The following VSX1 variants were observed in gnomAD, a reference collection of about 807,000 sequenced individuals.
The protein encoded by VSX1 is visual system homeobox 1.
A neutral mutation model predicts 23.6 loss-of-function variants in VSX1; 23 were observed. The ratio of observed to expected loss-of-function variants is 0.97; its 90% CI spans 0.70 to 1.38. The LOEUF is 1.38. VSX1 is among the 40% of genes most tolerant of loss of function. The probability of loss-of-function intolerance (pLI) is 0.00; values close to 1 mark genes in which losing one functional copy is unlikely to be tolerated. For synonymous variants in VSX1, 247 were observed against 215.1 expected (o/e 1.15, Z -1.30); for missense variants, 517 against 495.4 (o/e 1.04, Z -0.41).
At position 25,079,048 on chromosome 20, in the gene VSX1, C is replaced by A. The variant is rs540899562; in HGVS notation, c.504-96G>T. ...CCACCGTGCCTGCTTCCTCTGCTGT[C>A]CAGACCCTAGAAGCCACTTCATGAT... On this transcript the variant is annotated intron_variant, in intron 2 of 4. Coordinates refer to ENST00000376709, the MANE Select transcript of VSX1 (RefSeq NM_014588.6). 2.8e-5 allele frequency: 41 copies of A among 1,472,592 alleles called. No individual in the cohort carries two copies. The African/African-American group carries it at 4.2e-4, about 15-fold the overall frequency. 91.2% of individuals were successfully genotyped at this position (1,472,592 alleles called of 1,614,324 possible). A position where few individuals can be genotyped will look rare whatever the true frequency, so the allele number is the denominator to read the frequency against.
intron 3 of VSX1, 67 bp downstream of exon 3, chr20:25,078,762 T>A (rs2089567465): frequency 6.2e-7 from 1 of 1,614,036 alleles, no homozygotes; most frequent in Non-Finnish European, 8.5e-7. Flanking sequence ...GCTGATTGGC[T>A]CACTGAATGT....
intron 1 of VSX1, 87 bp from the exon 2 acceptor site, chr20:25,079,601 A>G: frequency 7.1e-7 from 1 of 1,416,362 alleles, no homozygotes; most frequent in Non-Finnish European, 9.7e-7. Context: ...TGAAGTTATG[A>G]ACCTCTTGGG....
At position 25,075,638 on chromosome 20, in the gene VSX1, A is replaced by G. The variant is rs368909034; in HGVS notation, c.*623T>C. ...TTCCAGCTATCCAACAATTGTTTAAATATGATCCCATGCTATTTTTAAAGG... is the reference window on the plus strand; with the variant it reads ...TTCCAGCTATCCAACAATTGTTTAAGTATGATCCCATGCTATTTTTAAAGG... On this transcript the variant is annotated 3_prime_UTR_variant, in exon 5 of 5. Transcript: ENST00000376709. 6.6e-6 allele frequency: 1 copy of G among 152,410 alleles called. No individual in the cohort carries two copies. The highest frequency in any genetic ancestry group is 2.1e-4 in the South Asian group (1 of 4,834). 9.4% of individuals were successfully genotyped at this position (152,410 alleles called of 1,614,324 possible).
intron 1 of VSX1, 25 bp downstream of exon 1, chr20:25,081,648 G>C (rs1472681171): frequency 2.6e-6 from 4 of 1,528,324 alleles, no homozygotes; most frequent in Non-Finnish European, 3.5e-6. Flanking sequence ...ACAGGGGCAG[G>C]AGCGGAAAGC....
At chr20:25,074,474 T>G (rs1157096017), downstream of VSX1, among the ~76,000 whole-genome samples, 1 of 152,268 alleles carries the variant, frequency 6.6e-6, no homozygotes, top group Admixed American at 6.5e-5. Context: ...TATTTTCTCC[T>G]TTTCCTTTGT....
At chr20:25,077,259 G>C (rs781499489) in intron 4 of VSX1, among the ~76,000 whole-genome samples, 1 of 152,168 alleles carries the variant, frequency 6.6e-6, no homozygotes, top group African/African-American at 2.4e-5. Context: ...AACCAAGCCC[G>C]GGGCCAGCCC....
chr20:25,076,676 G>A, intron 4 of VSX1, 126 bp from the exon 5 acceptor site: 1 of 1,170,608 alleles, frequency 8.5e-7, no homozygotes, highest in Non-Finnish European at 1.2e-6. Context: ...CTATCTCTGG[G>A]GCCTACAGGA....
chr20:25,076,006 A>G lies in VSX1; in HGVS notation c.*255T>C, dbSNP rs1600377743. 5.4e-6 allele frequency: 3 copies of G among 558,586 alleles called. No homozygotes were observed. The East Asian group carries it at 9.5e-5, about 18-fold the overall frequency. The allele number at this position is 558,586 out of a possible 1,614,324, so 34.6% of individuals were successfully genotyped here. A position where few individuals can be genotyped will look rare whatever the true frequency, so the allele number is the denominator to read the frequency against. ...TTCGGATCCTCCCTGCTCAAGCTAC[A>G]AAAGAGAATCAAAAGTTTTGCACCA... On this transcript the variant is annotated 3_prime_UTR_variant, in exon 5 of 5. Coordinates refer to ENST00000376709, the MANE Select transcript of VSX1 (RefSeq NM_014588.6).
rs267597889 is a variant in VSX1 at position 25,081,705 on chromosome 20, C to G, written c.392G>C (p.Arg131Pro). 1.3e-6 allele frequency: 2 copies of G among 1,504,378 alleles called. No individual in the cohort carries two copies. The highest frequency in any genetic ancestry group is 2.6e-5 in the East Asian group (1 of 38,482). 93.2% of individuals were successfully genotyped at this position (1,504,378 alleles called of 1,614,324 possible). The change falls in exon 1 of 5, where the codon CGC becomes CCC. Residue 131 changes from arginine (R) to proline (P), a missense_variant. By Grantham distance (103) the Arg-to-Pro change is moderately radical. Coordinates refer to ENST00000376709, the MANE Select transcript of VSX1 (RefSeq NM_014588.6). ...APSRPPPALG[R>P]QKRSDSVSTS... The stretch of plus-strand genomic sequence containing the variant: ...GGAGACGCTGTCGCTGCGCTTCTGG[C>G]GGCCGAGCGCAGGCGGCGGACGGCT...
chr20:25,079,740 G>T (rs943335225), intron 1 of VSX1, among the ~76,000 whole-genome samples: 1 of 151,652 alleles, frequency 6.6e-6, no homozygotes, highest in Non-Finnish European at 1.5e-5. Context: ...AATGGCTGCT[G>T]CTATTATTAT....
intron 3 of VSX1, 32 bp downstream of exon 3, chr20:25,078,797 T>A: frequency 1.9e-6 from 3 of 1,614,132 alleles, no homozygotes; most frequent in Admixed American, 3.3e-5. Context: ...CTCTGTGGTA[T>A]CTTTGGAGCG....
chr20:25,078,723 G>T, intron 3 of VSX1, 106 bp downstream of exon 3: 1 of 1,613,520 alleles, frequency 6.2e-7, no homozygotes, highest in Non-Finnish European at 8.5e-7. Flanking sequence ...TCTATGCAAA[G>T]GGAGCGTGTT....
chr20:25,078,798 C>G (rs1035796934), intron 3 of VSX1, 31 bp downstream of exon 3: 1 of 1,613,986 alleles, frequency 6.2e-7, no homozygotes, highest in African/African-American at 1.3e-5. Context: ...TCTGTGGTAT[C>G]TTTGGAGCGG....
intron 3 of VSX1, chr20:25,078,574 T>G: frequency 1.4e-6 from 2 of 1,389,866 alleles, no homozygotes; most frequent in South Asian, 1.8e-5. Context: ...TTGACATATC[T>G]TTATAGTTTC....
chr20:25,074,054 A>G (rs925875880), downstream of VSX1, among the ~76,000 whole-genome samples: 13 of 152,250 alleles, frequency 8.5e-5, no homozygotes, highest in African/African-American at 2.7e-4. Flanking sequence ...TTGTCAAAAA[A>G]TGATAATGAT....
intron 1 of VSX1, 21 bp from the exon 2 acceptor site, chr20:25,079,535 A>C (rs772601882): frequency 6.2e-7 from 1 of 1,601,574 alleles, no homozygotes; most frequent in East Asian, 2.2e-5. Flanking sequence ...AGAAAGAAGA[A>C]GAGGACTTTA....
In VSX1 at chr20:25,076,522, TATC is replaced by T; in HGVS notation, c.834_836del (p.Met278del). 6 of 1,612,570 alleles carry T rather than the reference TATC, an allele frequency of 3.7e-6. No individual in the cohort carries two copies. The highest frequency in any genetic ancestry group is 5.1e-6 in the Non-Finnish European group (6 of 1,179,650). Reference sequence around the variant, plus strand: ...ACTTATCTTCACTTCCTGGCTTCCTTATCATCCCCATGGATTTTTTATGCATCC... The same window carrying T: ...ACTTATCTTCACTTCCTGGCTTCCTTATCCCCATGGATTTTTTATGCATCC... On this transcript the variant is annotated inframe_deletion, in exon 5 of 5. Transcript: ENST00000376709.
rs2089501061 is a variant in VSX1, at chr20:25,076,697, G to A, written c.809-147C>T. ...CTGGGGCCTACAGGAGAGGCAGGTA[G>A]GTAACTCCCACCTTAGGGGTTTAAA... On this transcript the variant is annotated intron_variant, in intron 4 of 4. Coordinates refer to ENST00000376709, the MANE Select transcript of VSX1 (RefSeq NM_014588.6). 5 of 937,476 alleles carry A rather than the reference G, an allele frequency of 5.3e-6. No homozygotes were observed. The Admixed American group carries it at 1.4e-4, about 26-fold the overall frequency. 58.1% of individuals were successfully genotyped at this position (937,476 alleles called of 1,614,324 possible).
intron 2 of VSX1, among the ~76,000 whole-genome samples, 196 bp downstream of exon 2, chr20:25,079,240 A>G (rs774929270): frequency 6.6e-6 from 1 of 152,200 alleles, no homozygotes; most frequent in Non-Finnish European, 1.5e-5. Context: ...AATGCTAGCA[A>G]GATTGTAGCA....
Sources: gnomAD v4.1 joint callset for allele counts (sites outside exome capture counted in the v4.1 genomes callset) on GRCh38, gnomAD v4.1.1 for gene constraint, MANE v1.5 for transcripts, NCBI Gene and HGNC (gene_info 2026-07-23, HGNC 2026-07-21) for gene names.